Variants in DNAH2 observed in about 807,000 individuals in gnomAD.
DNAH2 encodes the protein axonemal beta dynein heavy chain 2.
DNAH2 carries 323 observed loss-of-function variants against 523.5 expected under a neutral mutation model. That is an observed-to-expected ratio of 0.62 (90% CI 0.56 to 0.68). The LOEUF is 0.68. Among genes scored for constraint, DNAH2 ranks in the 30% least tolerant of loss-of-function variants. The probability of loss-of-function intolerance (pLI) is 0.00; values close to 1 mark genes in which losing one functional copy is unlikely to be tolerated. For missense variants in DNAH2, 4,907 were observed against 5,701.5 expected (o/e 0.86, Z 4.49); for synonymous variants, 2,093 against 2,177.4 (o/e 0.96, Z 1.08).
intron 5 of DNAH2, among the ~76,000 whole-genome samples, chr17:7,733,851 G>A (rs1216359534): frequency 1.3e-5 from 2 of 151,982 alleles, no homozygotes; most frequent in Non-Finnish European, 2.9e-5. Context: ...ACTTAGACTT[G>A]GAAATTTCTA....
At chr17:7,766,683 T>A (rs1446602017) in intron 22 of DNAH2, among the ~76,000 whole-genome samples, 1 of 133,862 alleles carries the variant, frequency 7.5e-6, no homozygotes. Context: ...AGTCTTGCTC[T>A]CTCACCCAGG....
rs774557931 is a variant in DNAH2, at chr17:7,792,890, C to T, written c.7344+35C>T. On this transcript the variant is annotated intron_variant, in intron 47 of 85. Transcript: ENST00000572933. ...GGATCCAGGGGCCAGGCTGCCGGCT[C>T]CCTTGGGATCCAAGTGCCTGCCTGA... 4 of 1,605,142 alleles carry T rather than the reference C, an allele frequency of 2.5e-6. No homozygotes were observed. In the East Asian group the frequency reaches 9.0e-5, roughly 36 times the overall value.
Position 7,830,355 on chromosome 17 carries a change from C to T in DNAH2, c.11909C>T (p.Ser3970Phe). 6.2e-7 allele frequency: 1 copy of T among 1,614,240 alleles called. No individual in the cohort carries two copies. The highest frequency in any genetic ancestry group is 2.2e-5 in the East Asian group (1 of 44,890). Residue 3970 changes from serine to phenylalanine, a missense_variant, in exon 78 of 86, where the codon TCC (serine) becomes TTC (phenylalanine). Around this residue, in one of 3 missense-constraint regions of DNAH2, gnomAD observed 1,851 missense variants for 2,139.4 expected, o/e 0.87. Coordinates refer to ENST00000572933, the MANE Select transcript of DNAH2 (RefSeq NM_020877.5). ...LYQLMSEPQF[S>F]RCSKPAKYKK... ...CAACTGATGTCAGAACCACAGTTTTCCCGCTGCTCCAAACCTGCCAAATAT... is the reference window on the plus strand; with the variant it reads ...CAACTGATGTCAGAACCACAGTTTTTCCGCTGCTCCAAACCTGCCAAATAT...
chr17:7,758,881 C>T lies in DNAH2; in HGVS notation c.2209-4C>T, dbSNP rs975736805. 6 of 1,613,740 alleles carry T rather than the reference C, an allele frequency of 3.7e-6. No individual in the cohort carries two copies. Among genetic ancestry groups the T allele is most frequent in the Non-Finnish European group, 4.2e-6 (5 of 1,179,876 alleles). On this transcript the variant is annotated splice_polypyrimidine_tract_variant and splice_region_variant and intron_variant, in intron 14 of 85. Transcript: ENST00000572933. ...AACTCCCCCATGACGGGGCCTGACTCTAGGTGCAGATGATTGTGAATGAGT... is the reference window on the plus strand; with the variant it reads ...AACTCCCCCATGACGGGGCCTGACTTTAGGTGCAGATGATTGTGAATGAGT...
chr17:7,733,288 C>T lies in DNAH2; in HGVS notation c.601C>T (p.Leu201=). 1 of 1,614,134 alleles carries T rather than the reference C, an allele frequency of 6.2e-7. No individual in the cohort carries two copies. Among genetic ancestry groups the T allele is most frequent in the Non-Finnish European group, 8.5e-7 (1 of 1,180,014 alleles). ...ESIRNHFASH[L]HKFLACLTDT... is the part of the protein sequence containing the mutation. ...CATTAGAAATCATTTTGCTTCTCAT[C>T]TGCACAAGTTCTTGGCCTGCCTGAC... Residue 201 remains leucine, a synonymous_variant, in exon 5 of 86, where the codon CTG becomes TTG. Coordinates refer to ENST00000572933, the MANE Select transcript of DNAH2 (RefSeq NM_020877.5).
At chr17:7,732,964 C>A (rs1175221312) in intron 4 of DNAH2, 123 bp from the exon 5 acceptor site, 4 of 903,842 alleles carry the variant, frequency 4.4e-6, no homozygotes, top group Non-Finnish European at 6.7e-6. Flanking sequence ...CTTCATGGCA[C>A]TTCCATTTAG....
chr17:7,741,959 G>A (rs543871452), intron 11 of DNAH2, among the ~76,000 whole-genome samples: 11 of 151,798 alleles, frequency 7.2e-5, no homozygotes, highest in Non-Finnish European at 1.3e-4. Context: ...CACTGCGCCC[G>A]GCCTCATTTT....
In DNAH2 at chr17:7,771,346, A is replaced by G; in HGVS notation, c.4379A>G (p.Glu1460Gly). The G allele has an allele frequency of 1.2e-6, 2 of 1,614,126 alleles. No homozygotes were observed. The highest frequency in any genetic ancestry group is 1.7e-6 in the Non-Finnish European group (2 of 1,180,020). ...WMYLENIFLG[E>G]DIRKQLPNES... ...CCCCCTCAGAATATCTTCCTAGGAG[A>G]AGACATCCGCAAGCAGCTGCCCAAT... The change falls in exon 28 of 86, where the codon GAA (glutamate) becomes GGA (glycine). Residue 1460 changes from glutamate (E) to glycine (G), a missense_variant. By Grantham distance (98) the Glu-to-Gly change is moderately conservative. This residue lies in a region of DNAH2 where 2,806 missense variants were observed against 3,190.8 expected (regional missense o/e 0.88). Transcript: ENST00000572933.
At chr17:7,801,470 A>G in intron 56 of DNAH2, 108 bp from the exon 57 acceptor site, 1 of 1,486,308 alleles carries the variant, frequency 6.7e-7, no homozygotes, top group Non-Finnish European at 9.2e-7. Flanking sequence ...GAGCAAGGGG[A>G]TGGGGCATTT....
Position 7,740,700 on chromosome 17 carries a change from T to C in DNAH2, c.1507-110T>C, listed in dbSNP as rs1334190184. 5 of 1,528,942 alleles carry C rather than the reference T, an allele frequency of 3.3e-6. No homozygotes were observed. The South Asian group carries it at 5.1e-5, about 16-fold the overall frequency. 94.7% of individuals were successfully genotyped at this position (1,528,942 alleles called of 1,614,324 possible). A position where few individuals can be genotyped will look rare whatever the true frequency, so the allele number is the denominator to read the frequency against. ...TTTCTTCTGTTCCCTGGCTTCGGCG[T>C]CCCCGGGAGTGTGACTCCCGCAGCG... On this transcript the variant is annotated intron_variant, in intron 10 of 85. Coordinates refer to ENST00000572933, the MANE Select transcript of DNAH2 (RefSeq NM_020877.5).
At chr17:7,783,989 A>C (rs1424887540) in intron 39 of DNAH2, among the ~76,000 whole-genome samples, 2 of 152,128 alleles carry the variant, frequency 1.3e-5, no homozygotes, top group African/African-American at 2.4e-5. Context: ...AAAGAATAGA[A>C]AATGATGTTT....
In DNAH2 at chr17:7,819,356, C is replaced by G; in HGVS notation, c.10963C>G (p.Leu3655Val). Residue 3655 changes from leucine (L) to valine (V), a missense_variant, in exon 72 of 86, where the codon CTG (leucine) becomes GTG (valine). By Grantham distance (32) the Leu-to-Val change is conservative (BLOSUM62 1). Coordinates refer to ENST00000572933, the MANE Select transcript of DNAH2 (RefSeq NM_020877.5). Reference sequence around the variant, plus strand: ...TGACAAAAGCCACCGCAGCAATAAGCTGGAGGACCGCATTGACTACCTGAA... The same window carrying G: ...TGACAAAAGCCACCGCAGCAATAAGGTGGAGGACCGCATTGACTACCTGAA... ...SIDKSHRSNK[L>V]EDRIDYLNDY... is the part of the protein sequence containing the mutation. 1 of 1,614,264 alleles carries G rather than the reference C, an allele frequency of 6.2e-7. No homozygotes were observed. Among genetic ancestry groups the G allele is most frequent in the Non-Finnish European group, 8.5e-7 (1 of 1,180,056 alleles).
At position 7,780,740 on chromosome 17, in the gene DNAH2, T is replaced by A. The variant is rs765768288; in HGVS notation, c.5961T>A (p.Ala1987=). 2 of 1,614,130 alleles carry A rather than the reference T, an allele frequency of 1.2e-6. No homozygotes were observed. The highest frequency in any genetic ancestry group is 2.7e-5 in the African/African-American group (2 of 74,942). The part of the protein sequence containing the change: ...LRALTSLLRY[A]GKKRRLQPDL... ...CCCTCACCTCCCTTCTGCGCTATGC[T>A]GGCAAGAAGCGCCGCCTACAGCCGG... The change falls in exon 38 of 86, where the codon GCT becomes GCA. Residue 1987 remains alanine, a synonymous_variant. Transcript: ENST00000572933. This position sits in a 1 kb window ranked among gnomAD's most constrained non-coding sequence, Gnocchi z 4.4.
Position 7,819,424 on chromosome 17 carries a change from C to T in DNAH2, c.11015+16C>T, listed in dbSNP as rs771374244. 2 of 1,613,980 alleles carry T rather than the reference C, an allele frequency of 1.2e-6. No homozygotes were observed. Among genetic ancestry groups the T allele is most frequent in the South Asian group, 2.2e-5 (2 of 91,082 alleles). Reference sequence around the variant, plus strand: ...CTGTCTACAGGTCTGAGGGTGCCCCCAACATGCCCCAGCCCGGAGGCCGAG... The same window carrying T: ...CTGTCTACAGGTCTGAGGGTGCCCCTAACATGCCCCAGCCCGGAGGCCGAG... On this transcript the variant is annotated intron_variant, in intron 72 of 85. Transcript: ENST00000572933.
intron 58 of DNAH2, among the ~76,000 whole-genome samples, chr17:7,802,829 A>ATTTT (rs34264918): frequency 7.1e-6 from 1 of 140,814 alleles, no homozygotes; most frequent in African/African-American, 2.6e-5. Context: ...ATGCCCAGCT[A>ATTTT]TTTTTTTTTT....
Position 7,831,514 on chromosome 17 carries a change from G to A in DNAH2, c.12584G>A (p.Arg4195Lys), listed in dbSNP as rs1485468912. The A allele has an allele frequency of 3.1e-6, 5 of 1,614,216 alleles. No homozygotes were observed. Among genetic ancestry groups the A allele is most frequent in the East Asian group, 2.2e-5 (1 of 44,892 alleles). ...LNVVLLQEIQ[R>K]YNTLMQTILF... ...GTGGTCCTTCTGCAGGAGATCCAGA[G>A]ATACAACACACTGATGCAGACCATC... The change falls in exon 81 of 86, where the codon AGA becomes AAA. Residue 4195 changes from arginine (R) to lysine (K), a missense_variant. Around this residue, in one of 3 missense-constraint regions of DNAH2, gnomAD observed 1,851 missense variants for 2,139.4 expected, o/e 0.87. Coordinates refer to ENST00000572933, the MANE Select transcript of DNAH2 (RefSeq NM_020877.5). This position sits in a 1 kb window ranked among gnomAD's most constrained non-coding sequence, Gnocchi z 4.2.
chr17:7,743,644 C>T (rs1308990292), intron 12 of DNAH2: 7 of 377,718 alleles, frequency 1.9e-5, no homozygotes, highest in Non-Finnish European at 3.3e-5. Flanking sequence ...CCAGCCTGGG[C>T]GACAGAGTGA....
intron 63 of DNAH2, among the ~76,000 whole-genome samples, chr17:7,810,921 G>T (rs2077499676): frequency 6.6e-6 from 1 of 152,176 alleles, no homozygotes; most frequent in African/African-American, 2.4e-5. Context: ...AATAGCTTTA[G>T]CCATTACTCA....
Position 7,759,130 on chromosome 17 carries a change from G to T in DNAH2, c.2448+6G>T, listed in dbSNP as rs1481499876. 3 of 1,613,386 alleles carry T rather than the reference G, an allele frequency of 1.9e-6. No homozygotes were observed. Among genetic ancestry groups the T allele is most frequent in the Non-Finnish European group, 1.7e-6 (2 of 1,179,786 alleles). On this transcript the variant is annotated splice_donor_region_variant and intron_variant, in intron 15 of 85. Coordinates refer to ENST00000572933, the MANE Select transcript of DNAH2 (RefSeq NM_020877.5). ...TCAAGAATGATGGTCCTGAGGTAGG[G>T]TTCCTGTGGCCAGGATGTTGTGGTT...
Sources: gnomAD v4.1 joint callset for allele counts (sites outside exome capture counted in the v4.1 genomes callset) on GRCh38, gnomAD v4.1.1 for gene constraint, gnomAD v4.1.1 regional missense constraint, Gnocchi (gnomAD v3.1) non-coding constraint, MANE v1.5 for transcripts, NCBI Gene and HGNC (gene_info 2026-07-23, HGNC 2026-07-21) for gene names.